WWOX: variants seen among roughly 807,000 people sequenced by gnomAD.
The protein encoded by WWOX is WW domain containing oxidoreductase.
A neutral mutation model predicts 46.2 loss-of-function variants in WWOX; 69 were observed. That is an observed-to-expected ratio of 1.49 (90% CI 1.23 to 1.82). The LOEUF (loss-of-function observed/expected upper bound fraction) is 1.82. Ranked by LOEUF, WWOX falls within the 40% of genes most tolerant of loss-of-function variation. The pLI, the probability that WWOX is intolerant of heterozygous loss-of-function variation, is 0.00. For synonymous variants in WWOX, 359 were observed against 202.6 expected (o/e 1.77, Z -6.56); for missense variants, 919 against 542.6 (o/e 1.69, Z -6.89).
intron 8 of WWOX, among the ~76,000 whole-genome samples, chr16:79,156,862 A>C (rs781016766): frequency 6.9e-6 from 1 of 144,500 alleles, no homozygotes; most frequent in Non-Finnish European, 1.5e-5. Context: ...TACAGGCTGA[A>C]GGAAAGAAAA....
chr16:78,691,414 T>C, intron 8 of WWOX: 1 of 635,304 alleles, frequency 1.6e-6, no homozygotes, highest in Non-Finnish European at 2.8e-6. Context: ...AGAAAACATC[T>C]GGCTGGGCAT....
rs774003937 is a variant in WWOX at position 78,425,090 on chromosome 16, C to G, written c.791+35C>G. The G allele has an allele frequency of 1.3e-5, 21 of 1,610,198 alleles. No individual in the cohort carries two copies. In the Admixed American group the frequency reaches 3.0e-4, roughly 23 times the overall value. ...AATTGCATATTTGTTCACTTATCCCCTTTCTCATACCAGCTAATATTCCCC... is the reference window on the plus strand; with the variant it reads ...AATTGCATATTTGTTCACTTATCCCGTTTCTCATACCAGCTAATATTCCCC... On this transcript the variant is annotated intron_variant, in intron 7 of 8. Coordinates refer to ENST00000566780, the MANE Select transcript of WWOX (RefSeq NM_016373.4).
chr16:78,836,790 T>C (rs560035287), intron 8 of WWOX, among the ~76,000 whole-genome samples: 4 of 152,284 alleles, frequency 2.6e-5, no homozygotes, highest in African/African-American at 9.6e-5. Flanking sequence ...TTAATTATTC[T>C]ATACACCAAA....
chr16:78,947,217 C>G (rs1344760182), intron 8 of WWOX, among the ~76,000 whole-genome samples: 1 of 151,992 alleles, frequency 6.6e-6, no homozygotes. Context: ...GATAATCCAA[C>G]TGGAGGCCTG....
At chr16:78,771,246 T>G (rs1298588554) in intron 8 of WWOX, among the ~76,000 whole-genome samples, 1 of 152,076 alleles carries the variant, frequency 6.6e-6, no homozygotes, top group Non-Finnish European at 1.5e-5. Flanking sequence ...CTGTGTTGAG[T>G]GGATTGGTAA....
chr16:78,913,023 G>C (rs553416824), intron 8 of WWOX, among the ~76,000 whole-genome samples: 38 of 152,120 alleles, frequency 2.5e-4, no homozygotes, highest in Middle Eastern at 6.8e-3. Context: ...AGTTGTCTCA[G>C]AGCACAACAG....
intron 8 of WWOX, among the ~76,000 whole-genome samples, chr16:78,773,879 C>G (rs1359489437): frequency 6.6e-6 from 1 of 152,156 alleles, no homozygotes; most frequent in Non-Finnish European, 1.5e-5. Flanking sequence ...TGGCATCATT[C>G]GCATACTTGT....
At chr16:78,556,598 C>G (rs976774763) in intron 8 of WWOX, among the ~76,000 whole-genome samples, 1 of 152,114 alleles carries the variant, frequency 6.6e-6, no homozygotes, top group East Asian at 1.9e-4. Context: ...GTTGCCGTGC[C>G]CACCACGACT....
chr16:78,367,066 G>A (rs1266001321), intron 5 of WWOX, among the ~76,000 whole-genome samples: 1 of 140,518 alleles, frequency 7.1e-6, no homozygotes, highest in East Asian at 2.2e-4. Context: ...AGCAAGCTCT[G>A]CCTCCCAGGT....
At chr16:78,234,425 C>G (rs1452444548) in intron 5 of WWOX, among the ~76,000 whole-genome samples, 1 of 152,034 alleles carries the variant, frequency 6.6e-6, no homozygotes, top group Non-Finnish European at 1.5e-5. Flanking sequence ...AGTGTGGGCC[C>G]CAGACTTTCG....
chr16:79,061,841 C>G (rs1206074566), intron 8 of WWOX, among the ~76,000 whole-genome samples: 1 of 152,172 alleles, frequency 6.6e-6, no homozygotes, highest in East Asian at 1.9e-4. Context: ...CTCACCACCT[C>G]CTGACAAGGT....
intron 8 of WWOX, among the ~76,000 whole-genome samples, chr16:79,074,829 T>G (rs1295892521): frequency 1.3e-5 from 2 of 151,992 alleles, no homozygotes; most frequent in South Asian, 2.1e-4. Context: ...ACTCAGAAAA[T>G]GGAGATAAAT....
At chr16:78,334,844 A>G (rs1378907652) in intron 5 of WWOX, among the ~76,000 whole-genome samples, 10 of 148,240 alleles carry the variant, frequency 6.7e-5, no homozygotes, top group South Asian at 2.1e-4. Flanking sequence ...ACACACACAC[A>G]CACACACACA....
intron 8 of WWOX, among the ~76,000 whole-genome samples, chr16:79,199,492 A>G (rs16949908): frequency 0.054 from 8,217 of 152,254 alleles, 534 homozygotes; most frequent in African/African-American, 0.16. Flanking sequence ...AGGTGGCACA[A>G]AATCAAAACT....
At chr16:78,552,413 C>G (rs1203941045) in intron 8 of WWOX, 1 of 152,188 alleles carries the variant, frequency 6.6e-6, no homozygotes, top group Non-Finnish European at 1.5e-5. Context: ...TAGCGTGATG[C>G]TATTTACAGT....
At chr16:78,520,092 C>T (rs1383343757) in intron 8 of WWOX, among the ~76,000 whole-genome samples, 3 of 152,178 alleles carry the variant, frequency 2.0e-5, no homozygotes, top group Non-Finnish European at 4.4e-5. Flanking sequence ...AGGTTTCTCC[C>T]TCCACTCCCA....
At chr16:78,784,018 A>T (rs1387448812) in intron 8 of WWOX, among the ~76,000 whole-genome samples, 3 of 152,096 alleles carry the variant, frequency 2.0e-5, no homozygotes, top group Non-Finnish European at 2.9e-5. Flanking sequence ...GATGATGTTG[A>T]TGTTGATGAT....
intron 5 of WWOX, among the ~76,000 whole-genome samples, chr16:78,227,808 C>T (rs1374307242): frequency 1.3e-5 from 2 of 152,046 alleles, no homozygotes; most frequent in Non-Finnish European, 2.9e-5. Flanking sequence ...ACTCGGGAGG[C>T]GGAGGTTGCA....
chr16:78,455,162 C>T (rs190947122), intron 8 of WWOX, among the ~76,000 whole-genome samples: 1 of 152,094 alleles, frequency 6.6e-6, no homozygotes, highest in South Asian at 2.1e-4. Flanking sequence ...GATAAAGTTG[C>T]AGAACAGAGA....
Sources: allele counts gnomAD v4.1 joint callset (sites outside exome capture counted in the v4.1 genomes callset), GRCh38; gene constraint gnomAD v4.1.1; transcripts MANE v1.5; gene names NCBI Gene and HGNC (gene_info 2026-07-23, HGNC 2026-07-21).